The following COMMD10 variants were observed in gnomAD, a reference collection of about 807,000 sequenced individuals.
COMMD10 encodes the protein COMM domain-containing protein 10.
In COMMD10, 33 loss-of-function variants were observed where a neutral mutation model predicts 28.9. The ratio of observed to expected loss-of-function variants is 1.14; its 90% confidence interval spans 0.87 to 1.53. The LOEUF (loss-of-function observed/expected upper bound fraction) is 1.53, where lower values mean the gene tolerates loss of function less well. Among genes scored for constraint, COMMD10 ranks in the 40% most tolerant of loss-of-function variants. The pLI is 0.00. For synonymous variants in COMMD10, 110 were observed against 81.7 expected (o/e 1.35, Z -1.87); for missense variants, 310 against 233.4 (o/e 1.33, Z -2.14).
Position 116,121,924 on chromosome 5 carries a change from C to G in COMMD10, c.400-12144C>G, listed in dbSNP as rs186881508. Among the ~76,000 whole-genome samples, 1,197 of 152,256 alleles carry G rather than the reference C, an allele frequency of 7.9e-3. 15 individuals carry two copies. The highest frequency in any genetic ancestry group is 0.027 in the African/African-American group (1,105 of 41,534). On this transcript the variant is annotated intron_variant, in intron 4 of 6. Coordinates refer to ENST00000274458, the MANE Select transcript of COMMD10 (RefSeq NM_016144.4). ...TAGATTGCACAAATTTTCTCCCATT[C>G]TGTAGGTTGCCTGTTCACTCTGATG...
chr5:116,126,247 A>G (rs1348520607), intron 4 of COMMD10, among the ~76,000 whole-genome samples: 1 of 152,228 alleles, frequency 6.6e-6, no homozygotes, highest in East Asian at 1.9e-4. Context: ...AAGGAGAACT[A>G]CAAACCACTG....
intron 5 of COMMD10, among the ~76,000 whole-genome samples, chr5:116,227,520 T>C (rs181905762): frequency 1.3e-5 from 2 of 152,256 alleles, no homozygotes; most frequent in African/African-American, 2.4e-5. Context: ...AGTACTCTGC[T>C]TCAAATTCCA....
intron 1 of COMMD10, chr5:116,085,384 G>A: frequency 2.4e-6 from 1 of 420,920 alleles, no homozygotes; most frequent in East Asian, 3.9e-5. Flanking sequence ...ACTGTTCGCG[G>A]AGTTTGGTAT....
intron 5 of COMMD10, among the ~76,000 whole-genome samples, chr5:116,218,911 T>C (rs1041144575): frequency 2.0e-5 from 3 of 152,188 alleles, no homozygotes; most frequent in African/African-American, 7.2e-5. Context: ...TCAAAATTTG[T>C]ATGTTGAAGC....
intron 5 of COMMD10, among the ~76,000 whole-genome samples, chr5:116,189,214 A>G (rs1748260223): frequency 6.6e-6 from 1 of 152,154 alleles, no homozygotes; most frequent in African/African-American, 2.4e-5. Flanking sequence ...AAATCGCTGC[A>G]TGAGACTTCA....
chr5:116,167,016 A>C (rs1753142922), intron 5 of COMMD10, among the ~76,000 whole-genome samples: 1 of 152,080 alleles, frequency 6.6e-6, no homozygotes, highest in African/African-American at 2.4e-5. Context: ...AATTGACAGA[A>C]GTGGGCTTCA....
rs191879790 is a variant in COMMD10 at position 116,141,300 on chromosome 5, C to T, written c.510+7122C>T. Among the ~76,000 whole-genome samples, 323 of 151,792 alleles carry T rather than the reference C, an allele frequency of 2.1e-3. 1 individual carries two copies. Among genetic ancestry groups the T allele is most frequent in the Non-Finnish European group, 3.5e-3 (237 of 67,810 alleles). On this transcript the variant is annotated intron_variant, in intron 5 of 6. Transcript: ENST00000274458. Reference sequence around the variant, plus strand: ...TTTGTCTGTGTATCTGGCTTTATGCCAGTACCATACTATTTTGGTTACTAT... The same window carrying T: ...TTTGTCTGTGTATCTGGCTTTATGCTAGTACCATACTATTTTGGTTACTAT...
At chr5:116,093,143 A>G (rs1001136266) in intron 4 of COMMD10, among the ~76,000 whole-genome samples, 7 of 152,226 alleles carry the variant, frequency 4.6e-5, no homozygotes, top group African/African-American at 1.7e-4. Flanking sequence ...GTGCAAAACT[A>G]TCGCAATTTC....
intron 5 of COMMD10, among the ~76,000 whole-genome samples, chr5:116,260,549 C>T (rs896492782): frequency 6.6e-6 from 1 of 151,736 alleles, no homozygotes; most frequent in African/African-American, 2.4e-5. Flanking sequence ...AAGAAGTAAA[C>T]CTTCATGTAC....
At chr5:116,283,521 A>G (rs1338621641) in intron 5 of COMMD10, among the ~76,000 whole-genome samples, 1 of 151,350 alleles carries the variant, frequency 6.6e-6, no homozygotes, top group East Asian at 1.9e-4. Flanking sequence ...TAATTTTTGT[A>G]TTTTTAGTAG....
At chr5:116,244,660 C>CAAAAAAAAAAAAAAAAAAAAAAAAAATGA (rs60360733) in intron 5 of COMMD10, among the ~76,000 whole-genome samples, 1 of 79,486 alleles carries the variant, frequency 1.3e-5, no homozygotes, top group African/African-American at 3.6e-5. Flanking sequence ...AAAAAAATTA[C>CAAAAAAAAAAAAAAAAAAAAAAAAAATGA]AAAAAAAAAA....
At chr5:116,128,398 C>G (rs1490605256) in intron 4 of COMMD10, among the ~76,000 whole-genome samples, 1 of 151,526 alleles carries the variant, frequency 6.6e-6, no homozygotes, top group Non-Finnish European at 1.5e-5. Flanking sequence ...ATATTTAAAC[C>G]TAGGACATTA....
chr5:116,114,715 A>G (rs957061584), intron 4 of COMMD10, among the ~76,000 whole-genome samples: 1 of 152,208 alleles, frequency 6.6e-6, no homozygotes, highest in African/African-American at 2.4e-5. Context: ...TACTGGTCCC[A>G]GTGGTTTCAG....
At chr5:116,283,862 G>A (rs896980010) in intron 5 of COMMD10, among the ~76,000 whole-genome samples, 2 of 151,776 alleles carry the variant, frequency 1.3e-5, no homozygotes, top group Non-Finnish European at 2.9e-5. Context: ...AGGTACAGTG[G>A]CTCATGCCTG....
intron 5 of COMMD10, among the ~76,000 whole-genome samples, chr5:116,267,067 A>G (rs1402053941): frequency 6.6e-6 from 1 of 151,876 alleles, no homozygotes; most frequent in Non-Finnish European, 1.5e-5. Flanking sequence ...CACCACTCCT[A>G]TTCAACATAG....
At chr5:116,109,719 A>T (rs113013949) in intron 4 of COMMD10, among the ~76,000 whole-genome samples, 10 of 152,188 alleles carry the variant, frequency 6.6e-5, no homozygotes, top group African/African-American at 2.2e-4. Flanking sequence ...CTGATTTTTC[A>T]TGTTGATTTT....
chr5:116,173,852 T>C (rs1208814165), intron 5 of COMMD10, among the ~76,000 whole-genome samples: 2 of 150,996 alleles, frequency 1.3e-5, no homozygotes, highest in Non-Finnish European at 2.9e-5. Flanking sequence ...TGTTTTTGTT[T>C]TTTTTTTTTT....
intron 5 of COMMD10, among the ~76,000 whole-genome samples, chr5:116,249,496 T>C (rs1424367498): frequency 3.9e-5 from 6 of 151,964 alleles, no homozygotes; most frequent in Admixed American, 3.3e-4. Context: ...GGTAATAAAG[T>C]ACTAAAGTAT....
At chr5:116,152,068 A>G (rs1376209298) in intron 5 of COMMD10, among the ~76,000 whole-genome samples, 2 of 152,008 alleles carry the variant, frequency 1.3e-5, no homozygotes, top group African/African-American at 4.8e-5. Context: ...CTTTGTTCTC[A>G]TTGGTTCAAA....
Sources: allele counts gnomAD v4.1 joint callset (sites outside exome capture counted in the v4.1 genomes callset), GRCh38; gene constraint gnomAD v4.1.1; transcripts MANE v1.5; gene names NCBI Gene and HGNC (gene_info 2026-07-23, HGNC 2026-07-21).